Variants in GALNT13 observed in about 807,000 individuals in gnomAD.
The protein encoded by GALNT13 is polypeptide N-acetylgalactosaminyltransferase 13.
Under a neutral mutation model 64.2 loss-of-function variants are expected in GALNT13, and 28 were observed. The observed-to-expected ratio is 0.44, with a 90% CI of 0.32 to 0.60. The LOEUF is 0.60. GALNT13 is among the 20% of genes least tolerant of loss of function. The pLI is 0.05. For synonymous variants in GALNT13, 214 were observed against 224.6 expected, an observed-to-expected ratio of 0.95 and a Z score of 0.42; for missense variants, 577 against 669.8, an observed-to-expected ratio of 0.86 and a Z score of 1.53.
the GALNT13 span, among the ~76,000 whole-genome samples, chr2:153,720,443 G>A: frequency 6.9e-3 from 1,041 of 151,734 alleles, 19 homozygotes; most frequent in African/African-American, 0.021. Flanking sequence ...CACCAGCAAC[G>A]GAACAAAGCT....
At chr2:153,775,091 A>G in the GALNT13 span, among the ~76,000 whole-genome samples, 1 of 152,204 alleles carries the variant, frequency 6.6e-6, no homozygotes, top group South Asian at 2.1e-4. Flanking sequence ...TGACTGAAGA[A>G]GTAATGCAAA....
At chr2:153,328,754 G>A in the GALNT13 span, among the ~76,000 whole-genome samples, 1 of 152,094 alleles carries the variant, frequency 6.6e-6, no homozygotes, top group South Asian at 2.1e-4. Context: ...CATAGGGGTG[G>A]GCTCCGCTCA....
chr2:154,091,645 T>G (rs1574484365), intron 3 of GALNT13, among the ~76,000 whole-genome samples: 1 of 151,994 alleles, frequency 6.6e-6, no homozygotes, highest in Admixed American at 6.6e-5. Flanking sequence ...TTATGTCATT[T>G]TCAGTGTCTT....
At chr2:154,072,620 A>G (rs1261203617) in intron 3 of GALNT13, among the ~76,000 whole-genome samples, 5 of 151,996 alleles carry the variant, frequency 3.3e-5, no homozygotes, top group Non-Finnish European at 7.4e-5. Context: ...CCAAAAGATT[A>G]CAAAATGTTT....
At chr2:153,941,956 G>A (rs1488768818) in intron 2 of GALNT13, among the ~76,000 whole-genome samples, 2 of 152,054 alleles carry the variant, frequency 1.3e-5, no homozygotes, top group African/African-American at 4.8e-5. Context: ...TTTGAATACT[G>A]CTTGAAGTGG....
intron 3 of GALNT13, among the ~76,000 whole-genome samples, chr2:154,033,231 A>G (rs1049439777): frequency 4.3e-4 from 65 of 152,068 alleles, no homozygotes; most frequent in Non-Finnish European, 1.2e-4. Flanking sequence ...AAACTTTTGA[A>G]GAAATACAAT....
the GALNT13 span, among the ~76,000 whole-genome samples, chr2:153,749,185 C>T: frequency 6.6e-6 from 1 of 151,910 alleles, no homozygotes; most frequent in African/African-American, 2.4e-5. Context: ...TTCCATTGGT[C>T]TATGTGTCTG....
chr2:153,493,477 A>C, the GALNT13 span, among the ~76,000 whole-genome samples: 2 of 152,064 alleles, frequency 1.3e-5, no homozygotes, highest in Non-Finnish European at 2.9e-5. Flanking sequence ...TATTTAAAAT[A>C]ATTTCGTTTT....
At chr2:154,132,704 G>A (rs577556365) in intron 3 of GALNT13, among the ~76,000 whole-genome samples, 29 of 151,662 alleles carry the variant, frequency 1.9e-4, no homozygotes, top group African/African-American at 6.5e-4. Context: ...TGGCCAACTT[G>A]GTGAAACATG....
At chr2:154,020,614 G>A (rs1306815155) in intron 3 of GALNT13, among the ~76,000 whole-genome samples, 1 of 151,948 alleles carries the variant, frequency 6.6e-6, no homozygotes, top group Non-Finnish European at 1.5e-5. Flanking sequence ...TTTGTCAGAT[G>A]AGTAGGTTGT....
At chr2:154,435,674 C>A (rs950037192) in intron 11 of GALNT13, among the ~76,000 whole-genome samples, 2 of 152,044 alleles carry the variant, frequency 1.3e-5, no homozygotes, top group East Asian at 1.9e-4. Context: ...ATTGCTGGAC[C>A]CTTATACTAA....
At chr2:153,857,734 G>A in the GALNT13 span, among the ~76,000 whole-genome samples, 2 of 152,132 alleles carry the variant, frequency 1.3e-5, no homozygotes, top group East Asian at 3.9e-4. Flanking sequence ...GTGATTAAAG[G>A]ATTGAGAACT....
At chr2:153,249,323 T>G in the GALNT13 span, among the ~76,000 whole-genome samples, 60 of 152,178 alleles carry the variant, frequency 3.9e-4, no homozygotes, top group Non-Finnish European at 1.0e-4. Context: ...TTATAAGGGA[T>G]GTGAAGGACC....
chr2:153,404,668 G>A, the GALNT13 span, among the ~76,000 whole-genome samples: 5 of 152,056 alleles, frequency 3.3e-5, no homozygotes, highest in East Asian at 1.9e-4. Context: ...ATTATGTGAC[G>A]GATACCACTT....
chr2:154,300,324 A>G (rs1240907525), intron 8 of GALNT13, among the ~76,000 whole-genome samples: 1 of 151,696 alleles, frequency 6.6e-6, no homozygotes, highest in African/African-American at 2.4e-5. Context: ...GCTGGTCTCA[A>G]ACTCCTGACC....
chr2:153,194,442 T>C, the GALNT13 span, among the ~76,000 whole-genome samples: 36 of 152,340 alleles, frequency 2.4e-4, no homozygotes, highest in South Asian at 7.2e-3. Context: ...GATTTCTGTT[T>C]GGTTCTTTTT....
chr2:153,519,722 A>G, the GALNT13 span, among the ~76,000 whole-genome samples: 64 of 152,122 alleles, frequency 4.2e-4, 3 homozygotes, highest in Non-Finnish European at 1.5e-5. Flanking sequence ...TTTTTCTCCT[A>G]TTTTGTATTA....
intron 2 of GALNT13, chr2:153,926,238 T>A (rs537013404): frequency 6.6e-6 from 1 of 152,218 alleles, no homozygotes; most frequent in East Asian, 1.9e-4. Context: ...TTAAAATTTA[T>A]TTACATGAGA....
At chr2:153,148,542 G>A in the GALNT13 span, among the ~76,000 whole-genome samples, 60 of 149,710 alleles carry the variant, frequency 4.0e-4, 1 homozygote, top group Middle Eastern at 3.5e-3. Context: ...AAGATAGAAC[G>A]CAAGACTTTT....
Sources: allele counts gnomAD v4.1 joint callset (sites outside exome capture counted in the v4.1 genomes callset), GRCh38; gene constraint gnomAD v4.1.1; transcripts MANE v1.5; gene names NCBI Gene and HGNC (gene_info 2026-07-23, HGNC 2026-07-21).